The following SLC7A8 variants were observed in gnomAD, a reference collection of about 807,000 sequenced individuals.
The protein encoded by SLC7A8 is solute carrier family 7 member 8.
Under a neutral mutation model 51.2 loss-of-function variants are expected in SLC7A8, and 30 were observed. The observed-to-expected ratio is 0.59, with a 90% CI of 0.44 to 0.80. The LOEUF (loss-of-function observed/expected upper bound fraction) is 0.80. Among genes scored for constraint, SLC7A8 ranks in the 30% least tolerant of loss-of-function variants. The pLI is 0.00. For missense variants in SLC7A8, 612 were observed against 674.4 expected (o/e 0.91, Z 1.03); for synonymous variants, 257 against 275.8 (o/e 0.93, Z 0.67).
chr14:23,166,262 T>G, intron 2 of SLC7A8, 74 bp downstream of exon 2: 2 of 1,550,916 alleles, frequency 1.3e-6, no homozygotes, highest in Non-Finnish European at 1.8e-6. Flanking sequence ...CCTTGGCTTT[T>G]TCCAATCTGA....
chr14:23,137,724 G>A (rs1000793636), intron 7 of SLC7A8, among the ~76,000 whole-genome samples, 197 bp downstream of exon 7: 1 of 152,064 alleles, frequency 6.6e-6, no homozygotes, highest in African/African-American at 2.4e-5. Context: ...CACATCGCAG[G>A]TGACCACGTG....
chr14:23,152,883 C>T (rs1462921050), intron 3 of SLC7A8, among the ~76,000 whole-genome samples: 1 of 152,198 alleles, frequency 6.6e-6, no homozygotes, highest in Non-Finnish European at 1.5e-5. Flanking sequence ...CGATGAGCCA[C>T]ACTATTCTGG....
intron 7 of SLC7A8, among the ~76,000 whole-genome samples, chr14:23,135,162 A>G (rs1460637436): frequency 6.6e-6 from 1 of 151,980 alleles, no homozygotes; most frequent in Non-Finnish European, 1.5e-5. Flanking sequence ...ATCTCGGCTC[A>G]CTGCAACCTC....
rs149382537 is a variant in SLC7A8, at chr14:23,127,665, C to G, written c.1442-322G>C. ...TATTTTATTTTAAAATTTTTAATAACAGAGATGGAGTCTTGCTATGTCGAC... is the reference window on the plus strand; with the variant it reads ...TATTTTATTTTAAAATTTTTAATAAGAGAGATGGAGTCTTGCTATGTCGAC... On this transcript the variant is annotated intron_variant, in intron 10 of 10. Coordinates refer to ENST00000316902, the MANE Select transcript of SLC7A8 (RefSeq NM_012244.4). 2.2e-3 allele frequency among the ~76,000 whole-genome samples: 340 copies of G among 152,312 alleles called. 3 individuals carry two copies. In the East Asian group the frequency reaches 0.031, roughly 14 times the overall value.
At chr14:23,153,436 A>G (rs2048864655) in intron 3 of SLC7A8, among the ~76,000 whole-genome samples, 2 of 151,780 alleles carry the variant, frequency 1.3e-5, no homozygotes, top group African/African-American at 4.8e-5. Flanking sequence ...CTCCCACATC[A>G]TCTCTCCTCC....
At position 23,150,907 on chromosome 14, in the gene SLC7A8, C is replaced by T. The variant is rs1594830754; in HGVS notation, c.509-7703G>A. On this transcript the variant is annotated intron_variant, in intron 3 of 10. Coordinates refer to ENST00000316902, the MANE Select transcript of SLC7A8 (RefSeq NM_012244.4). ...AATGACCTGCTCTGGGGTCCTTCAA[C>T]CCAGCTGTCTGGAAGTTGGGAGTGG... Among the ~76,000 whole-genome samples the T allele has an allele frequency of 2.6e-5, 4 of 152,332 alleles. No individual in the cohort carries two copies. The South Asian group carries it at 6.2e-4, about 24-fold the overall frequency.
In SLC7A8 at chr14:23,156,017, A is replaced by T. The variant is rs151007721; in HGVS notation, c.508+9268T>A. Among the ~76,000 whole-genome samples, 378 of 137,002 alleles carry T rather than the reference A, an allele frequency of 2.8e-3. 3 individuals carry two copies. The highest frequency in any genetic ancestry group is 0.011 in the African/African-American group (355 of 32,232). The allele number at this position is 137,002 out of a possible 152,430, so 89.9% of individuals were successfully genotyped here. On this transcript the variant is annotated intron_variant, in intron 3 of 10. Coordinates refer to ENST00000316902, the MANE Select transcript of SLC7A8 (RefSeq NM_012244.4). ...TCTTTTCTTTTCTTTTTTTTTTTTG[A>T]GATGGAGTTTCGCTCTTGTTGCCCA...
At position 23,182,734 on chromosome 14, in the gene SLC7A8, G is replaced by A. The variant is rs764785474; in HGVS notation, c.151+30C>T. ...ACAGGAGGACCACCAGAGGGGAGAG[G>A]AGGGGTCCGCGGGAAGGAATGGAAC... On this transcript the variant is annotated intron_variant, in intron 1 of 10. Coordinates refer to ENST00000316902, the MANE Select transcript of SLC7A8 (RefSeq NM_012244.4). 45 of 1,525,828 alleles carry A rather than the reference G, an allele frequency of 2.9e-5. No individual in the cohort carries two copies. In the African/African-American group the frequency reaches 6.1e-4, roughly 21 times the overall value. 94.5% of individuals were successfully genotyped at this position (1,525,828 alleles called of 1,614,324 possible).
intron 1 of SLC7A8, 53 bp downstream of exon 1, chr14:23,182,711 A>G: frequency 6.6e-7 from 1 of 1,503,970 alleles, no homozygotes; most frequent in African/African-American, 1.4e-5. Context: ...AAGATCTCAC[A>G]GGAGGACCAC....
intron 7 of SLC7A8, among the ~76,000 whole-genome samples, chr14:23,133,079 A>G (rs1255312239): frequency 6.6e-6 from 1 of 152,212 alleles, no homozygotes; most frequent in Non-Finnish European, 1.5e-5. Flanking sequence ...CCCAGCCTGC[A>G]TATTTTATTG....
At chr14:23,142,984 TC>T (rs1227433811) in intron 4 of SLC7A8, 94 bp downstream of exon 4, 24 of 1,479,506 alleles carry the variant, frequency 1.6e-5, no homozygotes, top group Non-Finnish European at 2.0e-5. Context: ...TGGGGAAATC[TC>T]AGGGTGTGGC....
intron 8 of SLC7A8, 132 bp from the exon 9 acceptor site, chr14:23,129,931 A>G: frequency 2.1e-6 from 2 of 956,850 alleles, no homozygotes; most frequent in Non-Finnish European, 1.6e-6. Context: ...TGGAGACTTT[A>G]GAACCTCCCC....
At chr14:23,182,187 T>C (rs1013035293) in intron 1 of SLC7A8, among the ~76,000 whole-genome samples, 7 of 152,142 alleles carry the variant, frequency 4.6e-5, no homozygotes, top group African/African-American at 1.4e-4. Context: ...CTTCCATAAC[T>C]TCCCCATCTG....
At position 23,154,547 on chromosome 14, in the gene SLC7A8, C is replaced by T. The variant is rs936357222; in HGVS notation, c.508+10738G>A. The T allele has an allele frequency of 3.4e-5, 31 of 923,086 alleles. No individual in the cohort carries two copies. In the African/African-American group the frequency reaches 4.5e-4, roughly 13 times the overall value. The allele number at this position is 923,086 out of a possible 1,614,324, so 57.2% of individuals were successfully genotyped here. A position where few individuals can be genotyped will look rare whatever the true frequency, so the allele number is the denominator to read the frequency against. ...GTTTCTAATTGTGGAAAAGCCGCTT[C>T]GGCTTGGCCTGTCCAACCGCAGGCG... is the stretch of plus-strand genomic sequence containing the variant. On this transcript the variant is annotated intron_variant, in intron 3 of 10. Coordinates refer to ENST00000316902, the MANE Select transcript of SLC7A8 (RefSeq NM_012244.4).
rs1039211087 is a variant in SLC7A8, at chr14:23,183,637, G to A, written c.-723C>T. ...CAGCCGGCCCCATCCCTCTGGTTTC[G>A]GGAGAGTGGCTTCTCCACACACTAA... On this transcript the variant is annotated 5_prime_UTR_variant, in exon 1 of 11. Transcript: ENST00000316902. The A allele has an allele frequency of 6.6e-6, 1 of 152,064 alleles. No individual in the cohort carries two copies. Among genetic ancestry groups the A allele is most frequent in the African/African-American group, 2.4e-5 (1 of 41,362 alleles). 9.4% of individuals were successfully genotyped at this position (152,064 alleles called of 1,614,324 possible).
At chr14:23,168,494 G>T (rs559143937) in intron 1 of SLC7A8, among the ~76,000 whole-genome samples, 2 of 152,272 alleles carry the variant, frequency 1.3e-5, no homozygotes, top group South Asian at 4.1e-4. Context: ...TCAAAAGAGC[G>T]ATCCATAGGG....
chr14:23,141,538 C>T (rs139751461), intron 4 of SLC7A8, among the ~76,000 whole-genome samples: 2,236 of 152,294 alleles, frequency 0.015, 62 homozygotes, highest in African/African-American at 0.05. Flanking sequence ...CAACCTCCGC[C>T]TCCCAGGTTT....
chr14:23,136,794 C>T (rs1366056043), intron 7 of SLC7A8, among the ~76,000 whole-genome samples: 4 of 152,228 alleles, frequency 2.6e-5, no homozygotes, highest in Admixed American at 2.6e-4. Context: ...CAATAGATCT[C>T]AGGGAGCCTC....
chr14:23,150,673 A>G (rs2048838835), intron 3 of SLC7A8, among the ~76,000 whole-genome samples: 1 of 152,214 alleles, frequency 6.6e-6, no homozygotes, highest in Admixed American at 6.5e-5. Flanking sequence ...TCATCTTAAG[A>G]AACTGCAGAC....
Sources: allele counts gnomAD v4.1 joint callset (sites outside exome capture counted in the v4.1 genomes callset), GRCh38; gene constraint gnomAD v4.1.1; transcripts MANE v1.5; gene names NCBI Gene and HGNC (gene_info 2026-07-23, HGNC 2026-07-21).